Variants in CLHC1 observed in about 807,000 individuals in gnomAD.
CLHC1 encodes the protein clathrin heavy chain linker domain-containing protein 1.
A neutral mutation model predicts 69.5 loss-of-function variants in CLHC1; 72 were observed. The observed-to-expected ratio is 1.04, with a 90% CI of 0.86 to 1.26. CLHC1 has a LOEUF of 1.26. Ranked by LOEUF, CLHC1 falls within the 50% of genes most tolerant of loss-of-function variation. The pLI is 0.00. For synonymous variants in CLHC1, 223 were observed against 224.3 expected (o/e 0.99, Z 0.05); for missense variants, 790 against 679.3 (o/e 1.16, Z -1.81).
chr2:55,201,507 G>T (rs779778779), intron 9 of CLHC1, among the ~76,000 whole-genome samples: 5 of 152,050 alleles, frequency 3.3e-5, no homozygotes, highest in Non-Finnish European at 5.9e-5. Context: ...TAAGTAATGA[G>T]ATTGAAGCTG....
chr2:55,191,020 G>A (rs994727122), intron 9 of CLHC1, among the ~76,000 whole-genome samples: 2 of 152,234 alleles, frequency 1.3e-5, no homozygotes, highest in South Asian at 2.1e-4. Context: ...AGATAAAGAT[G>A]AAATAACATT....
intron 9 of CLHC1, among the ~76,000 whole-genome samples, chr2:55,189,960 A>G (rs1397948634): frequency 6.6e-6 from 1 of 152,188 alleles, no homozygotes; most frequent in East Asian, 1.9e-4. Flanking sequence ...CAAGCTCCAG[A>G]AGGATCACAT....
rs1258981552 is a variant in CLHC1 at position 55,172,961 on chromosome 2, G to C, written c.*2829C>G. Among the ~76,000 whole-genome samples, 1 of 152,116 alleles carries C rather than the reference G, an allele frequency of 6.6e-6. No individual in the cohort carries two copies. Among genetic ancestry groups the C allele is most frequent in the East Asian group, 1.9e-4 (1 of 5,204 alleles). On this transcript the variant is annotated 3_prime_UTR_variant, in exon 13 of 13. Coordinates refer to ENST00000401408, the MANE Select transcript of CLHC1 (RefSeq NM_152385.4). Reference sequence around the variant, plus strand: ...AATGAATTTAATAGAAATTCATTTTGATACATGCTTGACTATAATAAACAA... The same window carrying C: ...AATGAATTTAATAGAAATTCATTTTCATACATGCTTGACTATAATAAACAA...
At chr2:55,177,357 A>C (rs191384095) in intron 12 of CLHC1, among the ~76,000 whole-genome samples, 1 of 152,340 alleles carries the variant, frequency 6.6e-6, no homozygotes, top group Admixed American at 6.5e-5. Flanking sequence ...AGTGATCATA[A>C]TTATTGTAAT....
chr2:55,231,928 GGA>G (rs1450379434), intron 1 of CLHC1: 1 of 152,200 alleles, frequency 6.6e-6, no homozygotes, highest in East Asian at 1.9e-4. Flanking sequence ...CCCTAGGCTG[GGA>G]GAGACTCGGC....
intron 9 of CLHC1, among the ~76,000 whole-genome samples, chr2:55,206,002 G>C (rs1672405458): frequency 2.0e-5 from 3 of 152,112 alleles, no homozygotes; most frequent in Admixed American, 2.0e-4. Flanking sequence ...GAGCAAATTT[G>C]ACAAAGTATT....
rs974774506 is a variant in CLHC1 at position 55,217,302 on chromosome 2, G to A, written c.365+509C>T. 2.6e-5 allele frequency among the ~76,000 whole-genome samples: 4 copies of A among 151,090 alleles called. 1 individual carries two copies. The Middle Eastern group carries it at 0.01, about 391-fold the overall frequency. ...AGGCTGAGGCAGGAGGACTGCTTGA[G>A]CTCAGCAATTCGAGACCAGCCTGGG... On this transcript the variant is annotated intron_variant, in intron 4 of 12. Coordinates refer to ENST00000401408, the MANE Select transcript of CLHC1 (RefSeq NM_152385.4).
At chr2:55,213,653 A>T (rs1479009936) in intron 4 of CLHC1, among the ~76,000 whole-genome samples, 1 of 152,248 alleles carries the variant, frequency 6.6e-6, no homozygotes, top group East Asian at 1.9e-4. Flanking sequence ...AGGTAGTATA[A>T]ACTTCTCTTA....
chr2:55,199,016 G>T (rs1033344911), intron 9 of CLHC1, among the ~76,000 whole-genome samples: 6 of 152,086 alleles, frequency 3.9e-5, no homozygotes, highest in Admixed American at 6.5e-5. Flanking sequence ...TGCTGAGGTG[G>T]CCAGGTGCAG....
Position 55,175,900 on chromosome 2 carries a change from A to C in CLHC1, c.1651T>G (p.Phe551Val), listed in dbSNP as rs1355409433. The C allele has an allele frequency of 6.2e-7, 1 of 1,614,094 alleles. No individual in the cohort carries two copies. Among genetic ancestry groups the C allele is most frequent in the South Asian group, 1.1e-5 (1 of 91,084 alleles). Residue 551 changes from phenylalanine to valine, a missense_variant, in exon 13 of 13, where the codon TTT becomes GTT. Transcript: ENST00000401408. Reference sequence around the variant, plus strand: ...GTGATGTCATTAGATAATTTGTCAAAGCCATTCTGTGAACATATATTTGCC... The same window carrying C: ...GTGATGTCATTAGATAATTTGTCAACGCCATTCTGTGAACATATATTTGCC... Reference protein sequence around the residue: ...EVANICSQNGFDKLSNDITSI... With the variant: ...EVANICSQNGVDKLSNDITSI...
At chr2:55,220,591 C>T (rs1467118418) in intron 3 of CLHC1, among the ~76,000 whole-genome samples, 1 of 151,946 alleles carries the variant, frequency 6.6e-6, no homozygotes, top group East Asian at 1.9e-4. Flanking sequence ...TATTTAACAC[C>T]ATATGTTTTC....
chr2:55,192,320 A>G (rs887653264), intron 9 of CLHC1, among the ~76,000 whole-genome samples: 2 of 152,094 alleles, frequency 1.3e-5, no homozygotes, highest in Non-Finnish European at 2.9e-5. Flanking sequence ...GGTTTTCACC[A>G]TGTTGGCCAG....
At chr2:55,181,156 T>A (rs1669898105) in intron 10 of CLHC1, among the ~76,000 whole-genome samples, 1 of 152,144 alleles carries the variant, frequency 6.6e-6, no homozygotes. Context: ...AATTTTTGTA[T>A]TTTTAGTAGA....
At chr2:55,176,790 AAT>A (rs1009744376) in intron 12 of CLHC1, among the ~76,000 whole-genome samples, 5 of 152,194 alleles carry the variant, frequency 3.3e-5, no homozygotes, top group African/African-American at 9.7e-5. Context: ...TATCTTCCAA[AAT>A]ATGTTTTCAA....
chr2:55,201,368 C>G (rs1435841396), intron 9 of CLHC1, among the ~76,000 whole-genome samples: 4 of 151,826 alleles, frequency 2.6e-5, no homozygotes, highest in Admixed American at 2.6e-4. Context: ...TTCAAAGGAG[C>G]CTTATAGGTT....
At chr2:55,176,632 T>C (rs908651472) in intron 12 of CLHC1, among the ~76,000 whole-genome samples, 1 of 152,196 alleles carries the variant, frequency 6.6e-6, no homozygotes, top group Non-Finnish European at 1.5e-5. Context: ...ATTTCTTATC[T>C]ATTACCTGCA....
intron 8 of CLHC1, 118 bp downstream of exon 8, chr2:55,208,508 C>T (rs1375580689): frequency 6.3e-6 from 4 of 637,936 alleles, no homozygotes; most frequent in Non-Finnish European, 1.1e-5. Flanking sequence ...AACATATCAA[C>T]ATTATAATCC....
chr2:55,208,289 T>C (rs1337509143), intron 8 of CLHC1, among the ~76,000 whole-genome samples: 70 of 152,212 alleles, frequency 4.6e-4, no homozygotes, highest in Non-Finnish European at 1.5e-4. Context: ...ACAAAATTTA[T>C]ATTTCATATA....
Position 55,209,707 on chromosome 2 carries a change from A to G in CLHC1, c.624T>C (p.Ala208=). 1 of 1,614,056 alleles carries G rather than the reference A, an allele frequency of 6.2e-7. No homozygotes were observed. Among genetic ancestry groups the G allele is most frequent in the Non-Finnish European group, 8.5e-7 (1 of 1,179,964 alleles). The part of the protein sequence containing the change: ...LIKYVPAQRK[A]DLDEEMIVLL... ...ACACAATCATTTCTTCATCTAAATC[A>G]GCCTTCCTCTGAGCTGGCACATATT... is the stretch of plus-strand genomic sequence containing the variant. Residue 208 remains alanine (A), a synonymous_variant, in exon 6 of 13, where the codon GCT becomes GCC. Transcript: ENST00000401408.
Sources: allele counts gnomAD v4.1 joint callset (sites outside exome capture counted in the v4.1 genomes callset), GRCh38; gene constraint gnomAD v4.1.1; transcripts MANE v1.5; gene names NCBI Gene and HGNC (gene_info 2026-07-23, HGNC 2026-07-21).